The following SLC14A2 variants were observed in gnomAD, a reference collection of about 807,000 sequenced individuals.
SLC14A2 encodes solute carrier family 14 member 2, also known as urea transporter 2.
In SLC14A2, 91 loss-of-function variants were observed where a neutral mutation model predicts 104.6. The observed-to-expected ratio is 0.87, with a 90% CI of 0.73 to 1.04. The LOEUF (loss-of-function observed/expected upper bound fraction) is 1.04, where lower values mean the gene tolerates loss of function less well. SLC14A2 is among the 50% of genes least tolerant of loss of function. SLC14A2 has a pLI of 0.00. For missense variants in SLC14A2, 1,189 were observed against 1,156.0 expected (o/e 1.03, Z -0.41); for synonymous variants, 476 against 466.4 (o/e 1.02, Z -0.27).
chr18:45,358,726 A>C (rs1433978861), intron 1 of SLC14A2, among the ~76,000 whole-genome samples: 1 of 152,116 alleles, frequency 6.6e-6, no homozygotes, highest in Non-Finnish European at 1.5e-5. Context: ...ACAGTCATAC[A>C]CTACTGCACC....
chr18:45,468,437 G>T (rs900574333), intron 1 of SLC14A2, among the ~76,000 whole-genome samples: 1 of 151,860 alleles, frequency 6.6e-6, no homozygotes, highest in Non-Finnish European at 1.5e-5. Context: ...GCTTGTTCTG[G>T]TGTAAAGAAT....
intron 1 of SLC14A2, among the ~76,000 whole-genome samples, chr18:45,314,212 G>A (rs1319348702): frequency 1.3e-5 from 2 of 152,164 alleles, no homozygotes; most frequent in African/African-American, 4.8e-5. Flanking sequence ...TCTTCTTAGG[G>A]AAACAATATC....
intron 1 of SLC14A2, among the ~76,000 whole-genome samples, chr18:45,275,529 A>C (rs911512964): frequency 6.6e-6 from 1 of 152,208 alleles, no homozygotes; most frequent in African/African-American, 2.4e-5. Context: ...TAGGATTTGG[A>C]AGGAAGATAG....
intron 18 of SLC14A2, among the ~76,000 whole-genome samples, chr18:45,675,709 AT>A (rs71177687): frequency 0.025 from 1,919 of 78,174 alleles, 19 homozygotes; most frequent in Non-Finnish European, 0.031. Context: ...ATATATATAT[AT>A]TTTTTTTTTT....
At chr18:45,660,132 CA>C (rs1189555526) in intron 10 of SLC14A2, among the ~76,000 whole-genome samples, 1 of 151,966 alleles carries the variant, frequency 6.6e-6, no homozygotes, top group African/African-American at 2.4e-5. Flanking sequence ...GATCGTGTCT[CA>C]AAAAAATATT....
At chr18:45,531,691 G>A (rs1343772024) in intron 2 of SLC14A2, among the ~76,000 whole-genome samples, 1 of 152,092 alleles carries the variant, frequency 6.6e-6, no homozygotes, top group East Asian at 1.9e-4. Flanking sequence ...CTGTACAGAA[G>A]CTCTTTAGTT....
At chr18:45,666,703 C>T (rs1366599468) in intron 12 of SLC14A2, among the ~76,000 whole-genome samples, 1 of 152,058 alleles carries the variant, frequency 6.6e-6, no homozygotes, top group African/African-American at 2.4e-5. Context: ...TCCTCCTCCA[C>T]AGAACGAAAG....
At chr18:45,438,800 C>T (rs1443390773) in intron 1 of SLC14A2, among the ~76,000 whole-genome samples, 1 of 152,148 alleles carries the variant, frequency 6.6e-6, no homozygotes, top group Non-Finnish European at 1.5e-5. Flanking sequence ...TTTAAGAATT[C>T]CTGTCCATAT....
chr18:45,526,091 A>G (rs2043591063), intron 2 of SLC14A2, among the ~76,000 whole-genome samples: 1 of 152,228 alleles, frequency 6.6e-6, no homozygotes, highest in South Asian at 2.1e-4. Context: ...TTCCCCACAT[A>G]AGGGATAGCT....
At chr18:45,539,396 A>T (rs1312614961) in intron 2 of SLC14A2, among the ~76,000 whole-genome samples, 1 of 152,226 alleles carries the variant, frequency 6.6e-6, no homozygotes, top group Non-Finnish European at 1.5e-5. Context: ...GCTCACTGCC[A>T]TCACAGATGG....
intron 2 of SLC14A2, among the ~76,000 whole-genome samples, chr18:45,503,636 T>C (rs908100321): frequency 6.6e-6 from 1 of 152,220 alleles, no homozygotes; most frequent in Non-Finnish European, 1.5e-5. Context: ...AAGCTCCACG[T>C]ACTCTTTCTT....
chr18:45,483,938 A>G (rs921735120), intron 2 of SLC14A2, among the ~76,000 whole-genome samples: 1 of 148,232 alleles, frequency 6.7e-6, no homozygotes, highest in Non-Finnish European at 1.5e-5. Flanking sequence ...GGAGGGTAAT[A>G]GCCTCAAAGA....
chr18:45,275,647 T>C (rs1248698031), intron 1 of SLC14A2, among the ~76,000 whole-genome samples: 5 of 152,208 alleles, frequency 3.3e-5, no homozygotes, highest in African/African-American at 1.2e-4. Context: ...CATGCTTATT[T>C]AAGGTGCTCC....
chr18:45,400,348 C>T (rs1436779898), intron 1 of SLC14A2, among the ~76,000 whole-genome samples: 1 of 152,226 alleles, frequency 6.6e-6, no homozygotes, highest in Non-Finnish European at 1.5e-5. Context: ...TATCCCTCAA[C>T]TTGGGTTGAC....
At chr18:45,632,865 G>T (rs966290702) in intron 5 of SLC14A2, among the ~76,000 whole-genome samples, 3 of 152,154 alleles carry the variant, frequency 2.0e-5, no homozygotes, top group Admixed American at 2.0e-4. Flanking sequence ...TTTTAGTAGA[G>T]ACAGGGTTTC....
chr18:45,321,677 C>T lies in SLC14A2; in HGVS notation c.-125+108486C>T, dbSNP rs1433530225. ...AAAGAAGAGCTGACACAGCAGAGTC[C>T]GGGGGATGCTGTGTGTCTGCAGAGC... On this transcript the variant is annotated intron_variant, in intron 1 of 20. Coordinates refer to the SLC14A2 transcript ENST00000586448. 4.6e-5 allele frequency among the ~76,000 whole-genome samples: 7 copies of T among 152,236 alleles called. No homozygotes were observed. The South Asian group carries it at 6.2e-4, about 14-fold the overall frequency.
intron 1 of SLC14A2, among the ~76,000 whole-genome samples, chr18:45,304,776 A>G (rs548691129): frequency 6.6e-6 from 1 of 152,224 alleles, no homozygotes; most frequent in African/African-American, 2.4e-5. Flanking sequence ...CAGTCAGGAT[A>G]TAGCCCCAGT....
At chr18:45,627,272 G>A (rs1188432977) in intron 4 of SLC14A2, 125 bp downstream of exon 4, 1 of 764,354 alleles carries the variant, frequency 1.3e-6, no homozygotes, top group Admixed American at 2.5e-5. Flanking sequence ...TCAACTTTAA[G>A]CAGGTCACTG....
intron 14 of SLC14A2, 57 bp downstream of exon 14, chr18:45,668,079 G>T (rs1270961027): frequency 2.6e-6 from 4 of 1,512,712 alleles, no homozygotes; most frequent in Admixed American, 1.7e-5. Flanking sequence ...TCCCCATGGG[G>T]ACCATTCTTC....
Sources: allele counts gnomAD v4.1 joint callset (sites outside exome capture counted in the v4.1 genomes callset), GRCh38; gene constraint gnomAD v4.1.1; transcripts MANE v1.5; gene names NCBI Gene and HGNC (gene_info 2026-07-23, HGNC 2026-07-21).